ZBTB38: variants seen among roughly 807,000 people sequenced by gnomAD.
ZBTB38 encodes zinc finger and BTB domain containing 38.
ZBTB38 carries 20 observed loss-of-function variants against 76.8 expected under a neutral mutation model. That is an observed-to-expected ratio of 0.26 (90% CI 0.18 to 0.38). The LOEUF (loss-of-function observed/expected upper bound fraction) is 0.38, where lower values mean the gene tolerates loss of function less well. Among genes scored for constraint, ZBTB38 ranks in the 10% least tolerant of loss-of-function variants. ZBTB38 has a pLI of 1.00. For synonymous variants in ZBTB38, 504 were observed against 544.2 expected, an observed-to-expected ratio of 0.93 and a Z score of 1.03; for missense variants, 1,082 against 1,482.3, an observed-to-expected ratio of 0.73 and a Z score of 4.43.
At position 141,444,869 on chromosome 3, in the gene ZBTB38, C is replaced by G; in HGVS notation, c.2481C>G (p.Thr827=). 6.2e-7 allele frequency: 1 copy of G among 1,614,128 alleles called. No homozygotes were observed. Among genetic ancestry groups the G allele is most frequent in the Non-Finnish European group, 8.5e-7 (1 of 1,180,020 alleles). ...TYIAKPALPG[T]STNSNVAPLC... ...TTGCAAAACCTGCTCTGCCGGGAAC[C>G]TCCACAAATAGTAATGTTGCACCCC... Residue 827 remains threonine, a synonymous_variant, in exon 6 of 6, where the codon ACC becomes ACG. Transcript: ENST00000321464. This position sits in a 1 kb window ranked among gnomAD's most constrained non-coding sequence, Gnocchi z 5.1.
At chr3:141,419,960 A>G (rs1181642011) in intron 5 of ZBTB38, among the ~76,000 whole-genome samples, 1 of 152,154 alleles carries the variant, frequency 6.6e-6, no homozygotes, top group Non-Finnish European at 1.5e-5. Flanking sequence ...GCACTCCAGC[A>G]TGGGCGACAA....
chr3:141,415,483 C>T (rs749555046), intron 5 of ZBTB38, among the ~76,000 whole-genome samples: 15 of 152,016 alleles, frequency 9.9e-5, no homozygotes, highest in Non-Finnish European at 1.5e-4. Context: ...TCTGGGAGTC[C>T]GTTAGAAATA....
intron 1 of ZBTB38, among the ~76,000 whole-genome samples, chr3:141,327,221 G>T (rs570660277): frequency 6.6e-6 from 1 of 152,234 alleles, no homozygotes; most frequent in African/African-American, 2.4e-5. Context: ...CAAGAAGGTG[G>T]GGCATAACTC....
intron 4 of ZBTB38, chr3:141,389,274 A>G (rs1948081456): frequency 6.6e-6 from 1 of 152,170 alleles, no homozygotes; most frequent in Non-Finnish European, 1.5e-5. Context: ...GCACTATCGT[A>G]GAATTGAACC....
chr3:141,395,535 A>G (rs1451910178), intron 4 of ZBTB38, among the ~76,000 whole-genome samples: 3 of 152,232 alleles, frequency 2.0e-5, no homozygotes, highest in Non-Finnish European at 2.9e-5. Flanking sequence ...GTAGGTATTT[A>G]TATAACAAGT....
At chr3:141,361,520 G>C (rs1943826169) in intron 1 of ZBTB38, among the ~76,000 whole-genome samples, 1 of 152,222 alleles carries the variant, frequency 6.6e-6, no homozygotes, top group Non-Finnish European at 1.5e-5. Context: ...GTCAAGCAAG[G>C]ACTTGCGTCT....
At chr3:141,426,303 A>G in intron 5 of ZBTB38, 1 of 709,504 alleles carries the variant, frequency 1.4e-6, no homozygotes, top group South Asian at 1.6e-5. Flanking sequence ...TGTCAGTGAT[A>G]TCATTGATCT....
At chr3:141,410,212 TA>T (rs1319669979) in intron 5 of ZBTB38, among the ~76,000 whole-genome samples, 3 of 152,184 alleles carry the variant, frequency 2.0e-5, no homozygotes, top group African/African-American at 7.2e-5. Context: ...ATGCCGATAT[TA>T]GCCAGACTTT....
rs57217285 is a variant in ZBTB38 at position 141,334,452 on chromosome 3, T to TCTTC, written c.-739+10017_-739+10020dup. ...TCCTTCCTTCCTTCCTTCTTTCCTT[T>TCTTC]CTTCCTTCCTTCCTTCCTTCCTTCT... On this transcript the variant is annotated intron_variant, in intron 1 of 7. Coordinates refer to the ZBTB38 transcript ENST00000509842. Among the ~76,000 whole-genome samples the TCTTC allele has an allele frequency of 6.1e-3, 792 of 128,986 alleles. 5 individuals are homozygous for TCTTC. Among genetic ancestry groups the TCTTC allele is most frequent in the African/African-American group, 8.1e-3 (262 of 32,536 alleles). The allele number at this position is 128,986 out of a possible 152,430, so 84.6% of individuals were successfully genotyped here.
chr3:141,424,859 C>T (rs759516775), intron 5 of ZBTB38, among the ~76,000 whole-genome samples: 1 of 152,218 alleles, frequency 6.6e-6, no homozygotes, highest in Non-Finnish European at 1.5e-5. Flanking sequence ...TTAGCTAATA[C>T]TTGCTCCTGC....
intron 2 of ZBTB38, among the ~76,000 whole-genome samples, chr3:141,370,382 G>A (rs1272928884): frequency 2.0e-5 from 3 of 152,180 alleles, no homozygotes; most frequent in Non-Finnish European, 4.4e-5. Context: ...CATTCCATTG[G>A]CTAAAACTCC....
chr3:141,326,812 T>C (rs1244051397), intron 1 of ZBTB38, among the ~76,000 whole-genome samples: 1 of 152,194 alleles, frequency 6.6e-6, no homozygotes, highest in African/African-American at 2.4e-5. Context: ...CCTTTCCAAT[T>C]CCTCCCTCTT....
intron 2 of ZBTB38, among the ~76,000 whole-genome samples, chr3:141,378,727 G>A (rs902697162): frequency 1.1e-4 from 17 of 152,068 alleles, no homozygotes; most frequent in African/African-American, 3.9e-4. Context: ...GGCTTTGGCC[G>A]CACCCTCTGC....
chr3:141,378,434 C>CTA (rs1278969495), intron 2 of ZBTB38, among the ~76,000 whole-genome samples: 1 of 152,182 alleles, frequency 6.6e-6, no homozygotes, highest in Non-Finnish European at 1.5e-5. Flanking sequence ...TTTATTTGAA[C>CTA]TATACCAGCA....
intron 5 of ZBTB38, among the ~76,000 whole-genome samples, chr3:141,407,173 A>G (rs1426851296): frequency 2.0e-5 from 3 of 152,238 alleles, no homozygotes; most frequent in African/African-American, 7.2e-5. Flanking sequence ...TTCTAACAGT[A>G]ATGTAATTCC....
intron 1 of ZBTB38, among the ~76,000 whole-genome samples, chr3:141,351,721 TAAAAAAAAA>T (rs11367112): frequency 8.1e-6 from 1 of 123,160 alleles, no homozygotes; most frequent in African/African-American, 2.9e-5. Flanking sequence ...CTCTGTCTCT[TAAAAAAAAA>T]AAAAAAAAAA....
At chr3:141,432,066 T>A (rs2077737196) in intron 5 of ZBTB38, 1 of 984,978 alleles carries the variant, frequency 1.0e-6, no homozygotes, top group African/African-American at 1.7e-5. Flanking sequence ...AACATGACTT[T>A]GAGAAAATAT....
At chr3:141,418,617 G>A (rs573282252) in intron 5 of ZBTB38, among the ~76,000 whole-genome samples, 140 of 152,286 alleles carry the variant, frequency 9.2e-4, no homozygotes, top group Middle Eastern at 3.4e-3. Context: ...AAATCATTCT[G>A]TTTCTTAGAA....
At chr3:141,328,705 T>G (rs1942750903) in intron 1 of ZBTB38, among the ~76,000 whole-genome samples, 1 of 152,206 alleles carries the variant, frequency 6.6e-6, no homozygotes, top group Non-Finnish European at 1.5e-5. Flanking sequence ...ACCACTCCTG[T>G]GCTGACAACC....
Sources: allele counts gnomAD v4.1 joint callset (sites outside exome capture counted in the v4.1 genomes callset), GRCh38; gene constraint gnomAD v4.1.1; non-coding constraint Gnocchi (gnomAD v3.1); transcripts MANE v1.5; gene names NCBI Gene and HGNC (gene_info 2026-07-23, HGNC 2026-07-21).